HHAT: variants seen among roughly 807,000 people sequenced by gnomAD.
The protein encoded by HHAT is protein-cysteine N-palmitoyltransferase HHAT.
Under a neutral mutation model 70.8 loss-of-function variants are expected in HHAT, and 47 were observed. The ratio of observed to expected loss-of-function variants is 0.66; its 90% confidence interval spans 0.53 to 0.85. HHAT has a LOEUF of 0.85. Ranked by LOEUF, HHAT falls within the 40% of genes least tolerant of loss-of-function variation. HHAT has a pLI of 0.00. For missense variants in HHAT, 609 were observed against 604.8 expected (o/e 1.01, Z -0.07); for synonymous variants, 228 against 247.6 (o/e 0.92, Z 0.74).
intron 11 of HHAT, among the ~76,000 whole-genome samples, chr1:210,637,145 G>A (rs1672016841): frequency 6.6e-6 from 1 of 152,070 alleles, no homozygotes; most frequent in Non-Finnish European, 1.5e-5. Context: ...ATTGGTACTG[G>A]TATTATATTA....
intron 7 of HHAT, among the ~76,000 whole-genome samples, chr1:210,461,201 C>T (rs576738897): frequency 4.6e-5 from 7 of 152,148 alleles, no homozygotes; most frequent in South Asian, 2.1e-4. Flanking sequence ...CAAGAGAATG[C>T]GGCAAAATAT....
At chr1:210,434,251 G>T (rs1014900901) in intron 7 of HHAT, among the ~76,000 whole-genome samples, 1 of 151,858 alleles carries the variant, frequency 6.6e-6, no homozygotes, top group Non-Finnish European at 1.5e-5. Flanking sequence ...ATAGACCAGG[G>T]TTGAATAATA....
At chr1:210,533,671 G>A (rs111385439) in intron 9 of HHAT, among the ~76,000 whole-genome samples, 150 of 152,216 alleles carry the variant, frequency 9.9e-4, no homozygotes, top group African/African-American at 3.5e-3. Flanking sequence ...TATTTTCAGA[G>A]GGAAAAAATC....
chr1:210,632,331 C>A (rs1399165995), intron 11 of HHAT, among the ~76,000 whole-genome samples: 3 of 152,118 alleles, frequency 2.0e-5, no homozygotes, highest in African/African-American at 4.8e-5. Flanking sequence ...TGCGGACACA[C>A]AAGAAGTGGG....
chr1:210,530,976 C>A (rs150437427), intron 9 of HHAT, among the ~76,000 whole-genome samples: 264 of 152,320 alleles, frequency 1.7e-3, no homozygotes, highest in Middle Eastern at 3.4e-3. Context: ...AGGATACATT[C>A]TGAGAAATGC....
intron 10 of HHAT, among the ~76,000 whole-genome samples, chr1:210,617,848 C>T (rs947499471): frequency 2.9e-4 from 44 of 152,182 alleles, no homozygotes; most frequent in African/African-American, 1.0e-3. Context: ...AAGCTCTGTA[C>T]ACTTGAAGGA....
At chr1:210,607,819 G>T (rs566954821) in intron 10 of HHAT, among the ~76,000 whole-genome samples, 5 of 151,820 alleles carry the variant, frequency 3.3e-5, no homozygotes, top group Non-Finnish European at 5.9e-5. Flanking sequence ...GAGAGATGAG[G>T]CTGAAAGTCC....
intron 9 of HHAT, among the ~76,000 whole-genome samples, chr1:210,570,331 C>A (rs1255279359): frequency 2.0e-5 from 3 of 152,158 alleles, no homozygotes; most frequent in Non-Finnish European, 4.4e-5. Flanking sequence ...TGTCTTACTC[C>A]CAAGGGGACT....
At chr1:210,619,793 A>G (rs1364016211) in intron 10 of HHAT, among the ~76,000 whole-genome samples, 2 of 152,270 alleles carry the variant, frequency 1.3e-5, no homozygotes, top group Non-Finnish European at 2.9e-5. Context: ...ATTGCTACAG[A>G]CTAATCAACA....
chr1:210,488,606 A>G (rs1262674806), intron 8 of HHAT, among the ~76,000 whole-genome samples: 1 of 152,218 alleles, frequency 6.6e-6, no homozygotes, highest in African/African-American at 2.4e-5. Context: ...TAAGAGGTAA[A>G]ACATGGCCAG....
intron 8 of HHAT, among the ~76,000 whole-genome samples, chr1:210,466,173 GCAAGGAATTGCAAGGAATT>G (rs2094105420): frequency 1.3e-5 from 2 of 149,392 alleles, no homozygotes; most frequent in East Asian, 3.9e-4. Flanking sequence ...AATTGCAATT[GCAAGGAATTGCAAGGAATT>G]CAAGGAAGGA....
At chr1:210,472,525 C>T (rs1190024710) in intron 8 of HHAT, among the ~76,000 whole-genome samples, 3 of 152,048 alleles carry the variant, frequency 2.0e-5, no homozygotes, top group Non-Finnish European at 2.9e-5. Flanking sequence ...TCTGGAATTT[C>T]GGGGTACCTG....
intron 1 of HHAT, among the ~76,000 whole-genome samples, chr1:210,329,713 G>A (rs1406150601): frequency 6.6e-6 from 1 of 152,146 alleles, no homozygotes; most frequent in Non-Finnish European, 1.5e-5. Context: ...TTTGCATTAC[G>A]TGGGAGTGAG....
At chr1:210,633,756 G>T (rs1475726626) in intron 11 of HHAT, among the ~76,000 whole-genome samples, 1 of 152,216 alleles carries the variant, frequency 6.6e-6, no homozygotes, top group African/African-American at 2.4e-5. Flanking sequence ...GGCAGGCAGA[G>T]CTGATACTCC....
intron 3 of HHAT, among the ~76,000 whole-genome samples, chr1:210,368,766 T>C (rs1234895953): frequency 1.3e-5 from 2 of 151,822 alleles, no homozygotes; most frequent in African/African-American, 2.4e-5. Flanking sequence ...GAATAATTCC[T>C]TCCTTTAGCA....
intron 3 of HHAT, among the ~76,000 whole-genome samples, chr1:210,373,800 C>G (rs1400408752): frequency 1.3e-5 from 2 of 152,172 alleles, no homozygotes; most frequent in African/African-American, 4.8e-5. Context: ...AGAATGTTAT[C>G]TAGAGAAGGA....
intron 1 of HHAT, among the ~76,000 whole-genome samples, chr1:210,341,749 T>A (rs868164669): frequency 3.9e-5 from 6 of 152,222 alleles, no homozygotes; most frequent in Non-Finnish European, 8.8e-5. Flanking sequence ...CTTGCCATTT[T>A]ACAGCTAAGA....
intron 11 of HHAT, among the ~76,000 whole-genome samples, chr1:210,670,367 T>C (rs1402582174): frequency 6.6e-6 from 1 of 152,124 alleles, no homozygotes; most frequent in African/African-American, 2.4e-5. Flanking sequence ...TGTGAAGTAG[T>C]TGGCTGAGTA....
intron 6 of HHAT, among the ~76,000 whole-genome samples, chr1:210,416,895 CAAT>C (rs774798093): frequency 2.0e-5 from 3 of 152,154 alleles, no homozygotes; most frequent in East Asian, 1.9e-4. Flanking sequence ...ATCACCACAA[CAAT>C]GTTTTTTACT....
Sources: gnomAD v4.1 joint callset for allele counts (sites outside exome capture counted in the v4.1 genomes callset) on GRCh38, gnomAD v4.1.1 for gene constraint, MANE v1.5 for transcripts, NCBI Gene and HGNC (gene_info 2026-07-23, HGNC 2026-07-21) for gene names.